The following ADGRL3 variants were observed in gnomAD, a reference collection of about 807,000 sequenced individuals.
ADGRL3 encodes adhesion G protein-coupled receptor L3.
Under a neutral mutation model 153.5 loss-of-function variants are expected in ADGRL3, and 62 were observed. The ratio of observed to expected loss-of-function variants is 0.40; its 90% CI spans 0.33 to 0.50. The LOEUF (loss-of-function observed/expected upper bound fraction) is 0.50, where lower values mean the gene tolerates loss of function less well. ADGRL3 is among the 20% of genes least tolerant of loss of function. The pLI is 0.47. For missense variants in ADGRL3, 1,641 were observed against 1,859.4 expected (o/e 0.88, Z 2.16); for synonymous variants, 710 against 672.5 (o/e 1.06, Z -0.86).
At chr4:61,290,540 A>G (rs900234163) in intron 1 of ADGRL3, among the ~76,000 whole-genome samples, 1 of 151,964 alleles carries the variant, frequency 6.6e-6, no homozygotes, top group African/African-American at 2.4e-5. Context: ...GCACTTTGGG[A>G]GGCTGAAGTG....
At chr4:61,233,242 C>A (rs1751494278) in intron 1 of ADGRL3, among the ~76,000 whole-genome samples, 1 of 152,080 alleles carries the variant, frequency 6.6e-6, no homozygotes, top group Admixed American at 6.6e-5. Flanking sequence ...TAGAACTGTG[C>A]CATCTACGTA....
Position 62,037,764 on chromosome 4 carries a change from CATTGCT to C in ADGRL3, c.3626_3631del (p.His1209_Cys1211delinsArg), listed in dbSNP as rs1220133162. On this transcript the variant is annotated inframe_deletion, in exon 24 of 27. Coordinates refer to ENST00000683033, the MANE Select transcript of ADGRL3 (RefSeq NM_001387552.1). ...AGAGTATGGGAAATGCCTGCGAACA[CATTGCT>C]GTAGTGGCAAAAGTACAGAGAGTTC... 1 of 1,613,790 alleles carries C rather than the reference CATTGCT, an allele frequency of 6.2e-7. No homozygotes were observed. Among genetic ancestry groups the C allele is most frequent in the South Asian group, 1.1e-5 (1 of 91,080 alleles).
At chr4:61,624,358 A>T (rs1425901382) in intron 5 of ADGRL3, among the ~76,000 whole-genome samples, 1 of 152,108 alleles carries the variant, frequency 6.6e-6, no homozygotes, top group Admixed American at 6.5e-5. Context: ...GAAGAATGGG[A>T]TATAGAAAAT....
At chr4:61,608,334 C>T (rs2099040611) in intron 5 of ADGRL3, among the ~76,000 whole-genome samples, 1 of 152,204 alleles carries the variant, frequency 6.6e-6, no homozygotes, top group African/African-American at 2.4e-5. Flanking sequence ...AGCATAAACA[C>T]TGTTCATATT....
chr4:62,030,943 T>C (rs1234901804), intron 22 of ADGRL3, among the ~76,000 whole-genome samples: 1 of 151,560 alleles, frequency 6.6e-6, no homozygotes, highest in Non-Finnish European at 1.5e-5. Context: ...TTCAAATCCA[T>C]GTATTTCCTC....
intron 5 of ADGRL3, among the ~76,000 whole-genome samples, chr4:61,605,328 GTAAA>G (rs1365409214): frequency 6.6e-6 from 1 of 151,980 alleles, no homozygotes; most frequent in African/African-American, 2.4e-5. Context: ...ATCTTAAAAA[GTAAA>G]TAATATTTTT....
intron 17 of ADGRL3, among the ~76,000 whole-genome samples, chr4:61,963,058 A>G (rs1023130781): frequency 6.6e-6 from 1 of 152,104 alleles, no homozygotes; most frequent in Admixed American, 6.5e-5. Context: ...AGAGGAAGTG[A>G]CATCACTTCC....
intron 13 of ADGRL3, among the ~76,000 whole-genome samples, chr4:61,917,319 G>A (rs1337544411): frequency 6.6e-6 from 1 of 152,284 alleles, no homozygotes; most frequent in Non-Finnish European, 1.5e-5. Context: ...TTTCAGGGAT[G>A]GAATGCAGTA....
intron 2 of ADGRL3, among the ~76,000 whole-genome samples, chr4:61,418,360 C>T (rs1231193146): frequency 6.6e-6 from 1 of 152,146 alleles, no homozygotes; most frequent in Non-Finnish European, 1.5e-5. Flanking sequence ...GTGGTCTCTG[C>T]CATAGCAATT....
chr4:61,888,943 A>T (rs1463504304), intron 9 of ADGRL3, among the ~76,000 whole-genome samples: 1 of 152,158 alleles, frequency 6.6e-6, no homozygotes, highest in African/African-American at 2.4e-5. Context: ...TGTAAAATGC[A>T]TTTAAGAAAT....
intron 7 of ADGRL3, among the ~76,000 whole-genome samples, chr4:61,732,073 G>A (rs576896695): frequency 6.6e-6 from 1 of 151,830 alleles, no homozygotes; most frequent in Non-Finnish European, 1.5e-5. Context: ...CTAGATCTTG[G>A]GTTCTTTTCT....
chr4:61,261,677 C>A (rs1001763886), intron 1 of ADGRL3, among the ~76,000 whole-genome samples: 4 of 152,086 alleles, frequency 2.6e-5, no homozygotes, highest in African/African-American at 4.8e-5. Flanking sequence ...ATAAAAGAGA[C>A]AAATGATTAA....
At position 61,827,079 on chromosome 4, in the gene ADGRL3, C is replaced by T. The variant is rs191823871; in HGVS notation, c.1480+13190C>T. 2.2e-4 allele frequency among the ~76,000 whole-genome samples: 34 copies of T among 152,204 alleles called. No individual in the cohort carries two copies. The East Asian group carries it at 4.8e-3, about 22-fold the overall frequency. Reference sequence around the variant, plus strand: ...AGAATAGTTTAGAAACAGGCATATTCGAATTGCAGGACTAAATTCTGAGTC... The same window carrying T: ...AGAATAGTTTAGAAACAGGCATATTTGAATTGCAGGACTAAATTCTGAGTC... On this transcript the variant is annotated intron_variant, in intron 9 of 26. Transcript: ENST00000683033.
At chr4:61,324,741 G>C (rs1463129179) in intron 1 of ADGRL3, among the ~76,000 whole-genome samples, 1 of 152,002 alleles carries the variant, frequency 6.6e-6, no homozygotes, top group Non-Finnish European at 1.5e-5. Context: ...CACTTTTTAT[G>C]CAATTTTTAG....
intron 8 of ADGRL3, among the ~76,000 whole-genome samples, chr4:61,760,449 C>T (rs1173263432): frequency 6.6e-6 from 1 of 152,192 alleles, no homozygotes; most frequent in Non-Finnish European, 1.5e-5. Context: ...GCGTAGGACC[C>T]TCTGAGCCAG....
chr4:61,757,165 G>C lies in ADGRL3; in HGVS notation c.1399+23611G>C, dbSNP rs557681290. ...GAGTTAGGGAAGATTCCCTCTTTTT[G>C]TATTGATTGGAATAGTTTCAGAAGG... On this transcript the variant is annotated intron_variant, in intron 8 of 26. Coordinates refer to ENST00000683033, the MANE Select transcript of ADGRL3 (RefSeq NM_001387552.1). Among the ~76,000 whole-genome samples the C allele has an allele frequency of 9.2e-5, 14 of 152,110 alleles. No individual in the cohort carries two copies. The East Asian group carries it at 9.7e-4, about 11-fold the overall frequency.
At chr4:62,007,356 T>TTCTATATATA (rs1553908562) in intron 21 of ADGRL3, among the ~76,000 whole-genome samples, 1 of 30,914 alleles carries the variant, frequency 3.2e-5, no homozygotes, top group East Asian at 6.9e-4. Context: ...GACAAAATGA[T>TTCTATATATA]TATATATATA....
rs531837331 is a variant in ADGRL3, at chr4:61,713,247, CCGGTTATGCT to C, written c.584-17374_584-17365del. Among the ~76,000 whole-genome samples, 440 of 151,860 alleles carry C rather than the reference CCGGTTATGCT, an allele frequency of 2.9e-3. 1 individual carries two copies. Among genetic ancestry groups the C allele is most frequent in the Admixed American group, 4.6e-3 (70 of 15,200 alleles). The stretch of plus-strand genomic sequence containing the variant: ...CCTGCAATAAGAAGACATTTTGGAG[CCGGTTATGCT>C]TGTGTGACAAGCACTGAGTATACTC... On this transcript the variant is annotated intron_variant, in intron 6 of 26. Coordinates refer to ENST00000683033, the MANE Select transcript of ADGRL3 (RefSeq NM_001387552.1).
At chr4:61,469,777 A>G (rs1400242419) in intron 2 of ADGRL3, among the ~76,000 whole-genome samples, 1 of 152,086 alleles carries the variant, frequency 6.6e-6, no homozygotes, top group Non-Finnish European at 1.5e-5. Flanking sequence ...AACAAGTAGT[A>G]TAGAAATTCA....
Sources: gnomAD v4.1 joint callset for allele counts (sites outside exome capture counted in the v4.1 genomes callset) on GRCh38, gnomAD v4.1.1 for gene constraint, MANE v1.5 for transcripts, NCBI Gene and HGNC (gene_info 2026-07-23, HGNC 2026-07-21) for gene names.